The following SLC38A6 variants were observed in gnomAD, a reference collection of about 807,000 sequenced individuals.
The protein encoded by SLC38A6 is N system amino acid transporter NAT-1.
A neutral mutation model predicts 65.0 loss-of-function variants in SLC38A6; 73 were observed. The ratio of observed to expected loss-of-function variants is 1.12; its 90% CI spans 0.93 to 1.37. The LOEUF is 1.37. Ranked by LOEUF, SLC38A6 falls within the 40% of genes most tolerant of loss-of-function variation. The pLI is 0.00. For missense variants in SLC38A6, 561 were observed against 531.1 expected (o/e 1.06, Z -0.55); for synonymous variants, 183 against 178.8 (o/e 1.02, Z -0.19).
At chr14:61,040,457 A>G (rs1192348959) in intron 8 of SLC38A6, among the ~76,000 whole-genome samples, 1 of 150,324 alleles carries the variant, frequency 6.7e-6, no homozygotes, top group Non-Finnish European at 1.5e-5. Flanking sequence ...CTCTTGCCTC[A>G]GCCTCACGAG....
chr14:61,011,609 C>G (rs946183224), intron 3 of SLC38A6, among the ~76,000 whole-genome samples: 3 of 152,172 alleles, frequency 2.0e-5, no homozygotes, highest in Admixed American at 1.3e-4. Context: ...TGAATTTTGC[C>G]AAAGGCCTTT....
intron 15 of SLC38A6, among the ~76,000 whole-genome samples, chr14:61,068,373 T>C (rs967659682): frequency 6.6e-6 from 1 of 152,218 alleles, no homozygotes; most frequent in Non-Finnish European, 1.5e-5. Flanking sequence ...CCAAGGGCTT[T>C]CCATCTCACT....
chr14:60,987,046 C>G, intron 3 of SLC38A6: 1 of 417,818 alleles, frequency 2.4e-6, no homozygotes, highest in Admixed American at 2.8e-5. Context: ...TCTTTGATTT[C>G]TGTAGCCTAC....
At position 61,048,110 on chromosome 14, in the gene SLC38A6, A is replaced by G. The variant is rs142441443; in HGVS notation, c.925+1943A>G. 730 of 451,864 alleles carry G rather than the reference A, an allele frequency of 1.6e-3. 5 individuals are homozygous for G. The highest frequency in any genetic ancestry group is 0.013 in the African/African-American group (661 of 49,930). The allele number at this position is 451,864 out of a possible 1,614,324, so 28.0% of individuals were successfully genotyped here. A position where few individuals can be genotyped will look rare whatever the true frequency, so the allele number is the denominator to read the frequency against. ...ATATTGATTTGCTCTTGGATTGTGA[A>G]TCATAACCAAGAAAAACCTTTGATC... On this transcript the variant is annotated intron_variant, in intron 12 of 15. Coordinates refer to ENST00000267488, the MANE Select transcript of SLC38A6 (RefSeq NM_153811.3).
At chr14:61,025,644 T>A (rs1188526396) in intron 5 of SLC38A6, among the ~76,000 whole-genome samples, 1 of 152,178 alleles carries the variant, frequency 6.6e-6, no homozygotes, top group African/African-American at 2.4e-5. Flanking sequence ...TTCAGAACAG[T>A]AGATATTTTG....
intron 5 of SLC38A6, among the ~76,000 whole-genome samples, chr14:61,027,243 A>G (rs937442168): frequency 1.3e-5 from 2 of 152,190 alleles, no homozygotes; most frequent in African/African-American, 2.4e-5. Flanking sequence ...TGCTAAAACT[A>G]AGTGATTTAT....
chr14:60,983,971 T>C (rs1269207989), intron 2 of SLC38A6, among the ~76,000 whole-genome samples: 1 of 152,210 alleles, frequency 6.6e-6, no homozygotes, highest in African/African-American at 2.4e-5. Context: ...CAATTTTATT[T>C]ATTAACAAGT....
chr14:61,029,259 G>A (rs1001866559), intron 5 of SLC38A6, among the ~76,000 whole-genome samples: 21 of 150,842 alleles, frequency 1.4e-4, no homozygotes, highest in African/African-American at 4.4e-4. Flanking sequence ...AGTTTCAAGC[G>A]ATTCTCCTGC....
chr14:61,043,814 A>G (rs1313222005), intron 10 of SLC38A6, among the ~76,000 whole-genome samples: 1 of 149,686 alleles, frequency 6.7e-6, no homozygotes, highest in African/African-American at 2.5e-5. Context: ...TCCTCTGTGT[A>G]TACCAACTTC....
intron 15 of SLC38A6, among the ~76,000 whole-genome samples, chr14:61,062,078 A>T (rs1203327980): frequency 6.6e-6 from 1 of 152,072 alleles, no homozygotes; most frequent in Non-Finnish European, 1.5e-5. Context: ...ACCTCAGGTG[A>T]TCCATCCGCC....
At chr14:61,016,330 G>A (rs2040007593) in intron 4 of SLC38A6, among the ~76,000 whole-genome samples, 1 of 152,164 alleles carries the variant, frequency 6.6e-6, no homozygotes, top group African/African-American at 2.4e-5. Flanking sequence ...AATTCAAATT[G>A]TAGCATGGCT....
intron 2 of SLC38A6, among the ~76,000 whole-genome samples, chr14:60,983,678 T>G (rs948019906): frequency 6.6e-6 from 1 of 152,194 alleles, no homozygotes; most frequent in Non-Finnish European, 1.5e-5. Context: ...GCAAAGCAAC[T>G]TTTAAGTAAC....
At chr14:61,031,858 G>A (rs151234436) in intron 6 of SLC38A6, among the ~76,000 whole-genome samples, 82 of 152,016 alleles carry the variant, frequency 5.4e-4, no homozygotes, top group Middle Eastern at 3.4e-3. Context: ...AAGGAGATAT[G>A]TGTTCTATCC....
intron 8 of SLC38A6, among the ~76,000 whole-genome samples, chr14:61,039,658 A>T (rs2041658827): frequency 6.6e-6 from 1 of 151,812 alleles, no homozygotes; most frequent in Non-Finnish European, 1.5e-5. Flanking sequence ...GGCGTGAGCC[A>T]CCGTGCCCAG....
intron 3 of SLC38A6, among the ~76,000 whole-genome samples, chr14:61,002,727 A>C (rs963604001): frequency 6.6e-6 from 1 of 152,192 alleles, no homozygotes; most frequent in African/African-American, 2.4e-5. Context: ...GAATTTACTT[A>C]AGATTTATAG....
chr14:61,016,608 A>G (rs2040028304), intron 4 of SLC38A6, among the ~76,000 whole-genome samples: 2 of 152,220 alleles, frequency 1.3e-5, no homozygotes, highest in Non-Finnish European at 2.9e-5. Flanking sequence ...AGGTAGAGAA[A>G]AATAATTGTC....
rs561767284 is a variant in SLC38A6 at position 61,061,419 on chromosome 14, G to A, written c.1290+9284G>A. ...TCTTTTTTTATTGTGTCTCTGTCAT[G>A]TTTTAGTATCAAGGTGATGCTGGCC... is the stretch of plus-strand genomic sequence containing the variant. On this transcript the variant is annotated intron_variant, in intron 15 of 16. Coordinates refer to the SLC38A6 transcript ENST00000354886. Among the ~76,000 whole-genome samples, 5 of 152,276 alleles carry A rather than the reference G, an allele frequency of 3.3e-5. 1 individual carries two copies. In the South Asian group the frequency reaches 1.0e-3, roughly 32 times the overall value.
chr14:61,007,675 A>G (rs573223092), intron 3 of SLC38A6, among the ~76,000 whole-genome samples: 1 of 102,968 alleles, frequency 9.7e-6, no homozygotes, highest in Non-Finnish European at 2.2e-5. Context: ...TAATTGTAAT[A>G]TGAAACGGAT....
chr14:61,075,780 TG>T (rs1481317472), intron 15 of SLC38A6, among the ~76,000 whole-genome samples: 7 of 2,062 alleles, frequency 3.4e-3, no homozygotes, highest in Admixed American at 5.9e-3. Flanking sequence ...AACCTGTTTG[TG>T]TGTGTGTGTG....
Sources: gnomAD v4.1 joint callset for allele counts (sites outside exome capture counted in the v4.1 genomes callset) on GRCh38, gnomAD v4.1.1 for gene constraint, MANE v1.5 for transcripts, NCBI Gene and HGNC (gene_info 2026-07-23, HGNC 2026-07-21) for gene names.